Variants in FGF12 observed in about 807,000 individuals in gnomAD.
The protein encoded by FGF12 is fibroblast growth factor 12B.
FGF12 carries 14 observed loss-of-function variants against 23.6 expected under a neutral mutation model. The ratio of observed to expected loss-of-function variants is 0.59; its 90% CI spans 0.39 to 0.93. FGF12 has a LOEUF of 0.93. Among genes scored for constraint, FGF12 ranks in the 40% least tolerant of loss-of-function variants. The pLI, the probability that FGF12 is intolerant of heterozygous loss-of-function variation, is 0.00. For missense variants in FGF12, 175 were observed against 217.8 expected (o/e 0.80, Z 1.24); for synonymous variants, 62 against 77.3 (o/e 0.80, Z 1.04).
At chr3:192,551,485 G>C (rs1420180907) in intron 2 of FGF12, among the ~76,000 whole-genome samples, 2 of 152,216 alleles carry the variant, frequency 1.3e-5, no homozygotes, top group African/African-American at 4.8e-5. Context: ...AAATCCTTCA[G>C]TGCTCATCTG....
chr3:192,438,404 G>A lies in FGF12; in HGVS notation c.14-77866C>T, dbSNP rs774072158. On this transcript the variant is annotated intron_variant, in intron 2 of 5. Transcript: ENST00000445105. ...TAAATTAATTGGAGAAGGTATAAAT[G>A]GATACAAAAGTCTGATGTTAAGCCT... is the stretch of plus-strand genomic sequence containing the variant. Among the ~76,000 whole-genome samples the A allele has an allele frequency of 1.8e-4, 28 of 152,278 alleles. 1 individual carries two copies. Among genetic ancestry groups the A allele is most frequent in the South Asian group, 8.3e-4 (4 of 4,830 alleles).
intron 4 of FGF12, among the ~76,000 whole-genome samples, chr3:192,213,710 A>G (rs772871570): frequency 5.3e-5 from 8 of 152,232 alleles, no homozygotes; most frequent in Non-Finnish European, 8.8e-5. Flanking sequence ...TTGAAGAACC[A>G]TAAGAACTGT....
intron 4 of FGF12, among the ~76,000 whole-genome samples, chr3:192,265,975 C>T (rs1459785838): frequency 6.6e-6 from 1 of 152,112 alleles, no homozygotes; most frequent in Non-Finnish European, 1.5e-5. Context: ...AAAGAACTGG[C>T]TCATAGGAAA....
intron 2 of FGF12, among the ~76,000 whole-genome samples, chr3:192,635,380 C>T (rs1161214991): frequency 1.3e-5 from 2 of 152,154 alleles, no homozygotes; most frequent in African/African-American, 4.8e-5. Context: ...GAAATCCCTA[C>T]ATATACACAT....
At chr3:192,333,181 T>C (rs1053298823) in intron 4 of FGF12, among the ~76,000 whole-genome samples, 5 of 152,116 alleles carry the variant, frequency 3.3e-5, no homozygotes, top group African/African-American at 1.2e-4. Flanking sequence ...CCTTCCCTTA[T>C]ACAATTGTCT....
chr3:192,230,982 T>G (rs2108584208), intron 4 of FGF12, among the ~76,000 whole-genome samples: 1 of 152,326 alleles, frequency 6.6e-6, no homozygotes, highest in East Asian at 1.9e-4. Flanking sequence ...GAAAATCATT[T>G]ACCTTTCTAA....
chr3:192,346,128 T>C (rs2108715688), intron 3 of FGF12, among the ~76,000 whole-genome samples: 1 of 152,292 alleles, frequency 6.6e-6, no homozygotes, highest in Non-Finnish European at 1.5e-5. Flanking sequence ...CCATGTCTAC[T>C]ATAAACTCCA....
At chr3:192,429,206 A>C (rs1254715992) in intron 2 of FGF12, among the ~76,000 whole-genome samples, 1 of 152,188 alleles carries the variant, frequency 6.6e-6, no homozygotes, top group South Asian at 2.1e-4. Flanking sequence ...AGCTTAAGAC[A>C]TCTGACTCTT....
chr3:192,506,851 C>T (rs955603769), intron 2 of FGF12, among the ~76,000 whole-genome samples: 7 of 150,992 alleles, frequency 4.6e-5, no homozygotes, highest in African/African-American at 1.2e-4. Context: ...GAGGATATAA[C>T]GGCGAATCTG....
chr3:192,373,402 G>T lies in FGF12; in HGVS notation c.14-12864C>A, dbSNP rs115454077. On this transcript the variant is annotated intron_variant, in intron 2 of 5. Transcript: ENST00000445105. Reference sequence around the variant, plus strand: ...AAGTCTAGGTCCCAGAAACCTGAGGGACTCTCAGGTCAAGATAGATACTTA... The same window carrying T: ...AAGTCTAGGTCCCAGAAACCTGAGGTACTCTCAGGTCAAGATAGATACTTA... 3.0e-3 allele frequency among the ~76,000 whole-genome samples: 463 copies of T among 151,886 alleles called. 1 individual carries two copies. Among genetic ancestry groups the T allele is most frequent in the African/African-American group, 0.011 (446 of 41,426 alleles).
intron 2 of FGF12, among the ~76,000 whole-genome samples, chr3:192,361,232 T>C (rs1372863846): frequency 6.7e-6 from 1 of 148,790 alleles, no homozygotes; most frequent in Non-Finnish European, 1.5e-5. Flanking sequence ...CAAACCAGAA[T>C]TGCTCAACTT....
rs565964857 is a variant in FGF12, at chr3:192,215,150, TACTC to T, written c.229-44498_229-44495del. Among the ~76,000 whole-genome samples the T allele has an allele frequency of 8.4e-4, 128 of 152,326 alleles. 1 individual carries two copies. The highest frequency in any genetic ancestry group is 6.6e-4 in the Non-Finnish European group (45 of 68,030). ...TGTTCTCCCATCAAAGCTTCATCCTTACTCACAATTCCCTCTGCTGAATCCTGTT... is the reference window on the plus strand; with the variant it reads ...TGTTCTCCCATCAAAGCTTCATCCTTACAATTCCCTCTGCTGAATCCTGTT... On this transcript the variant is annotated intron_variant, in intron 4 of 5. Transcript: ENST00000445105.
At chr3:192,422,260 C>T (rs190093802) in intron 2 of FGF12, among the ~76,000 whole-genome samples, 1 of 152,190 alleles carries the variant, frequency 6.6e-6, no homozygotes, top group Admixed American at 6.5e-5. Flanking sequence ...GAACTTTGAA[C>T]AAATTATTCC....
At chr3:192,588,498 A>C (rs942780674) in intron 2 of FGF12, among the ~76,000 whole-genome samples, 5 of 151,792 alleles carry the variant, frequency 3.3e-5, no homozygotes, top group Admixed American at 1.3e-4. Flanking sequence ...CATCTGGATA[A>C]AAAAATTAAA....
intron 4 of FGF12, among the ~76,000 whole-genome samples, chr3:192,183,784 A>G (rs1716307017): frequency 6.6e-6 from 1 of 152,184 alleles, no homozygotes; most frequent in South Asian, 2.1e-4. Flanking sequence ...GAAGGAATTA[A>G]CCCGATCAAG....
Position 192,386,721 on chromosome 3 carries a change from T to C in FGF12, c.14-26183A>G, listed in dbSNP as rs542863220. Among the ~76,000 whole-genome samples the C allele has an allele frequency of 2.0e-4, 30 of 152,164 alleles. No homozygotes were observed. In the South Asian group the frequency reaches 6.2e-3, roughly 32 times the overall value. ...CAGAGACGTGTCTGAAGAACACAAA[T>C]TGAAAATGATGAATTGAGTAGGTGA... is the stretch of plus-strand genomic sequence containing the variant. On this transcript the variant is annotated intron_variant, in intron 2 of 5. Coordinates refer to ENST00000445105, the MANE Select transcript of FGF12 (RefSeq NM_004113.6).
At chr3:192,186,717 C>T (rs1337391449) in intron 4 of FGF12, among the ~76,000 whole-genome samples, 1 of 152,158 alleles carries the variant, frequency 6.6e-6, no homozygotes, top group Non-Finnish European at 1.5e-5. Flanking sequence ...ACTGCGTTGG[C>T]AGTTTCAAGA....
intron 2 of FGF12, among the ~76,000 whole-genome samples, chr3:192,403,355 G>A (rs977696386): frequency 5.3e-5 from 8 of 152,058 alleles, no homozygotes; most frequent in Non-Finnish European, 7.4e-5. Flanking sequence ...CTCGAGTTAC[G>A]TCTTGATGAG....
chr3:192,150,860 T>C (rs1577175890), intron 5 of FGF12, among the ~76,000 whole-genome samples: 1 of 141,122 alleles, frequency 7.1e-6, no homozygotes, highest in South Asian at 2.3e-4. Flanking sequence ...AAGAAAGTCA[T>C]TGGTAGCTTG....
Sources: gnomAD v4.1 joint callset for allele counts (sites outside exome capture counted in the v4.1 genomes callset) on GRCh38, gnomAD v4.1.1 for gene constraint, MANE v1.5 for transcripts, NCBI Gene and HGNC (gene_info 2026-07-23, HGNC 2026-07-21) for gene names.